The following PTPA variants were observed in gnomAD, a reference collection of about 807,000 sequenced individuals.
PTPA encodes the protein serine/threonine-protein phosphatase 2A activator.
Under a neutral mutation model 43.6 loss-of-function variants are expected in PTPA, and 13 were observed. That is an observed-to-expected ratio of 0.30 (90% CI 0.19 to 0.47). PTPA has a LOEUF of 0.47. Among genes scored for constraint, PTPA ranks in the 20% least tolerant of loss-of-function variants. The pLI is 0.99. For missense variants in PTPA, 329 were observed against 411.9 expected, an observed-to-expected ratio of 0.80 and a Z score of 1.74; for synonymous variants, 172 against 158.2, an observed-to-expected ratio of 1.09 and a Z score of -0.66.
At chr9:129,146,220 C>CGCTCCCT (rs1851292758) in intron 9 of PTPA, among the ~76,000 whole-genome samples, 1 of 152,178 alleles carries the variant, frequency 6.6e-6, no homozygotes, top group South Asian at 2.1e-4. Context: ...GACCACCTCC[C>CGCTCCCT]GCTCCCTGCT....
rs940219678 is a variant in PTPA at position 129,136,293 on chromosome 9, C to G, written c.561-178C>G. ...CTTAATCAGTGATTTTTATGCCTTT[C>G]CTGAGCCAAAAGATGGCTGAGTGTT... On this transcript the variant is annotated intron_variant, in intron 6 of 9. Coordinates refer to ENST00000393370, the MANE Select transcript of PTPA (RefSeq NM_178000.3). Among the ~76,000 whole-genome samples, 4 of 152,136 alleles carry G rather than the reference C, an allele frequency of 2.6e-5. No individual in the cohort carries two copies. The East Asian group carries it at 7.7e-4, about 29-fold the overall frequency.
At chr9:129,147,189 C>T (rs1031773393) in intron 9 of PTPA, among the ~76,000 whole-genome samples, 198 bp from the exon 10 acceptor site, 1 of 152,184 alleles carries the variant, frequency 6.6e-6, no homozygotes, top group Admixed American at 6.5e-5. Flanking sequence ...CTCTTTCTCT[C>T]TCTCGTGGGT....
At chr9:129,135,037 A>G in intron 6 of PTPA, 143 bp downstream of exon 6, 1 of 651,848 alleles carries the variant, frequency 1.5e-6, no homozygotes, top group Non-Finnish European at 2.6e-6. Context: ...CTGGCTGTGG[A>G]TGGAGTGTCC....
intron 1 of PTPA, among the ~76,000 whole-genome samples, chr9:129,119,999 CTGTAATCCCAACACT>C: frequency 6.6e-6 from 1 of 152,122 alleles, no homozygotes; most frequent in African/African-American, 2.4e-5. Flanking sequence ...TGGCTCATAC[CTGTAATCCCAACACT>C]TTGGAGGCCA....
At chr9:129,140,792 G>C (rs889815224) in intron 8 of PTPA, among the ~76,000 whole-genome samples, 5 of 141,210 alleles carry the variant, frequency 3.5e-5, no homozygotes, top group African/African-American at 1.6e-4. Context: ...GGGAAGGGGT[G>C]GGGTAGGGTG....
At chr9:129,140,182 C>CT (rs1850676056) in intron 8 of PTPA, 2 of 152,566 alleles carry the variant, frequency 1.3e-5, no homozygotes, top group African/African-American at 4.8e-5. Flanking sequence ...TATGGCTGCT[C>CT]TGACTCACAC....
intron 3 of PTPA, among the ~76,000 whole-genome samples, chr9:129,125,120 C>G (rs1849492818): frequency 6.6e-6 from 1 of 152,070 alleles, no homozygotes; most frequent in South Asian, 2.1e-4. Context: ...GAGGGATGCT[C>G]AGCTGTGCTC....
chr9:129,114,213 G>C (rs1588479815), intron 1 of PTPA, among the ~76,000 whole-genome samples: 1 of 152,140 alleles, frequency 6.6e-6, no homozygotes, highest in South Asian at 2.1e-4. Flanking sequence ...AGTAGAGATG[G>C]GATTTCGCCG....
At chr9:129,127,587 G>A (rs1210073240) in intron 3 of PTPA, among the ~76,000 whole-genome samples, 1 of 152,196 alleles carries the variant, frequency 6.6e-6, no homozygotes, top group Non-Finnish European at 1.5e-5. Flanking sequence ...AACCTGGAAG[G>A]AGCACCTTCT....
chr9:129,122,520 C>T (rs1849310929), intron 2 of PTPA, among the ~76,000 whole-genome samples: 1 of 152,154 alleles, frequency 6.6e-6, no homozygotes, highest in African/African-American at 2.4e-5. Flanking sequence ...GGCATCTGCA[C>T]TCCAACTAGA....
At chr9:129,119,213 G>C (rs10819466) in intron 1 of PTPA, 92,825 of 155,448 alleles carry the variant, frequency 0.6, 29,687 homozygotes, top group Non-Finnish European at 0.7. Context: ...TGGCCAGCCT[G>C]GTCTTGAACC....
chr9:129,117,184 C>A (rs1848934981), intron 1 of PTPA, among the ~76,000 whole-genome samples: 1 of 151,424 alleles, frequency 6.6e-6, no homozygotes, highest in Non-Finnish European at 1.5e-5. Context: ...ATAGCTAGGA[C>A]TACAGGTGTG....
At chr9:129,141,239 A>C (rs1850799147) in intron 8 of PTPA, among the ~76,000 whole-genome samples, 1 of 152,198 alleles carries the variant, frequency 6.6e-6, no homozygotes, top group Non-Finnish European at 1.5e-5. Flanking sequence ...ACCAGGTGGC[A>C]GCCCATGGCT....
upstream of PTPA, chr9:129,111,276 G>A (rs1341208775): frequency 8.3e-7 from 1 of 1,204,262 alleles, no homozygotes. Context: ...CGACGTTCGG[G>A]CGGCCGTGAG....
At position 129,148,243 on chromosome 9, in the gene PTPA, A is replaced by T. The variant is rs1385208053; in HGVS notation, c.*779A>T. On this transcript the variant is annotated 3_prime_UTR_variant, in exon 10 of 10. Coordinates refer to ENST00000393370, the MANE Select transcript of PTPA (RefSeq NM_178000.3). Reference sequence around the variant, plus strand: ...CTGGGCTCCTGGGAGGGCCCAGATGATGGGGTGAGGCATGTCTTTCCAGAA... The same window carrying T: ...CTGGGCTCCTGGGAGGGCCCAGATGTTGGGGTGAGGCATGTCTTTCCAGAA... 6.6e-6 allele frequency: 1 copy of T among 152,374 alleles called. No individual in the cohort carries two copies. The highest frequency in any genetic ancestry group is 1.5e-5 in the Non-Finnish European group (1 of 68,174). The allele number at this position is 152,374 out of a possible 1,614,324, so 9.4% of individuals were successfully genotyped here. A position where few individuals can be genotyped will look rare whatever the true frequency, so the allele number is the denominator to read the frequency against.
At chr9:129,143,639 C>T (rs1438835922) in intron 9 of PTPA, 2 of 555,040 alleles carry the variant, frequency 3.6e-6, no homozygotes, top group Non-Finnish European at 6.5e-6. Flanking sequence ...ACAGACCGGG[C>T]CCTCACTCCC....
At chr9:129,146,418 T>C (rs1053574885) in intron 9 of PTPA, among the ~76,000 whole-genome samples, 2 of 152,162 alleles carry the variant, frequency 1.3e-5, no homozygotes, top group Non-Finnish European at 2.9e-5. Context: ...CCTGGGCCAG[T>C]CATAGCACCC....
chr9:129,142,393 A>G, intron 8 of PTPA, 52 bp from the exon 9 acceptor site: 1 of 1,510,486 alleles, frequency 6.6e-7, no homozygotes, highest in Admixed American at 2.1e-5. Flanking sequence ...GGGAGGAGGG[A>G]TGAGCTCCCA....
Position 129,142,493 on chromosome 9 carries a change from A to T in PTPA, c.835A>T (p.Ser279Cys). 1 of 1,610,592 alleles carries T rather than the reference A, an allele frequency of 6.2e-7. No individual in the cohort carries two copies. The highest frequency in any genetic ancestry group is 8.5e-7 in the Non-Finnish European group (1 of 1,177,404). Residue 279 changes from serine to cysteine, a missense_variant, in exon 9 of 10, where the codon AGC becomes TGC. By Grantham distance (112) the Ser-to-Cys change is moderately radical. Transcript: ENST00000393370. ...GCACTCCAACCAGCTGTGGAACATC[A>T]GCGCCGTCCCTTCCTGGTCCAAAGT... ...AEHSNQLWNI[S>C]AVPSWSKVNQ...
Sources: gnomAD v4.1 joint callset for allele counts (sites outside exome capture counted in the v4.1 genomes callset) on GRCh38, gnomAD v4.1.1 for gene constraint, MANE v1.5 for transcripts, NCBI Gene and HGNC (gene_info 2026-07-23, HGNC 2026-07-21) for gene names.